TRPM3: variants seen among roughly 807,000 people sequenced by gnomAD.
TRPM3 encodes long transient receptor potential channel 3.
A neutral mutation model predicts 181.2 loss-of-function variants in TRPM3; 77 were observed. That is an observed-to-expected ratio of 0.42 (90% CI 0.35 to 0.51). The LOEUF (loss-of-function observed/expected upper bound fraction) is 0.51, where lower values mean the gene tolerates loss of function less well. Among genes scored for constraint, TRPM3 ranks in the 20% least tolerant of loss-of-function variants. TRPM3 has a pLI of 0.01. For missense variants in TRPM3, 1,759 were observed against 2,196.7 expected, an observed-to-expected ratio of 0.80 and a Z score of 3.98; for synonymous variants, 745 against 796.4, an observed-to-expected ratio of 0.94 and a Z score of 1.09.
chr9:70,652,750 A>G (rs1479784335), intron 9 of TRPM3, among the ~76,000 whole-genome samples: 1 of 152,194 alleles, frequency 6.6e-6, no homozygotes, highest in Non-Finnish European at 1.5e-5. Flanking sequence ...GAAGAAGTGG[A>G]TAAGGTCAAC....
At chr9:70,655,396 T>C (rs1159454837) in intron 9 of TRPM3, among the ~76,000 whole-genome samples, 1 of 151,504 alleles carries the variant, frequency 6.6e-6, no homozygotes, top group Admixed American at 6.6e-5. Context: ...AGCCCTAAGG[T>C]TGACCTGCAA....
At chr9:71,217,742 G>C (rs533309338) in intron 1 of TRPM3, among the ~76,000 whole-genome samples, 1 of 152,114 alleles carries the variant, frequency 6.6e-6, no homozygotes, top group African/African-American at 2.4e-5. Flanking sequence ...TAATCCACCG[G>C]GGAACCAACC....
intron 8 of TRPM3, among the ~76,000 whole-genome samples, chr9:70,682,034 T>C (rs966368228): frequency 1.3e-5 from 2 of 152,198 alleles, no homozygotes; most frequent in Non-Finnish European, 2.9e-5. Context: ...CATTTGAATC[T>C]GTGCTGCCTT....
rs760563580 is a variant in TRPM3 at position 70,536,581 on chromosome 9, G to A, written c.4532C>T (p.Ser1511Phe). ...GGTGGCTAGGTAGCGGCTACTTTTG[G>A]AACGCTCAATGGTGTGGTACATCGG... ...EPPMYHTIER[S>F]KSSRYLATTP... The change falls in exon 26 of 26, where the codon TCC becomes TTC. Residue 1511 changes from serine to phenylalanine, a missense_variant. By Grantham distance (155) the Ser-to-Phe change is radical. Around this residue, in one of 8 missense-constraint regions of TRPM3, gnomAD observed 612 missense variants for 590.0 expected, o/e 1.04. Coordinates refer to ENST00000677713, the MANE Select transcript of TRPM3 (RefSeq NM_001366145.2). The A allele has an allele frequency of 6.8e-6, 11 of 1,614,050 alleles. No homozygotes were observed. The South Asian group carries it at 1.2e-4, about 18-fold the overall frequency.
chr9:71,263,621 G>C (rs956450599), intron 1 of TRPM3, among the ~76,000 whole-genome samples: 2 of 152,124 alleles, frequency 1.3e-5, no homozygotes, highest in Non-Finnish European at 2.9e-5. Flanking sequence ...GCACTTACAT[G>C]GTTCTGCATA....
Position 70,619,920 on chromosome 9 carries a change from C to A in TRPM3, c.2129+156G>T, listed in dbSNP as rs1185379372. 2.0e-5 allele frequency among the ~76,000 whole-genome samples: 3 copies of A among 152,154 alleles called. No individual in the cohort carries two copies. In the East Asian group the frequency reaches 5.8e-4, roughly 29 times the overall value. On this transcript the variant is annotated intron_variant, in intron 16 of 25. Coordinates refer to ENST00000677713, the MANE Select transcript of TRPM3 (RefSeq NM_001366145.2). ...AGGTACCACCATCTGTGGCACTGTGCACAATAAAGGGGAATTGTTTGTGTC... is the reference window on the plus strand; with the variant it reads ...AGGTACCACCATCTGTGGCACTGTGAACAATAAAGGGGAATTGTTTGTGTC...
rs1405466070 is a variant in TRPM3, at chr9:70,534,176, G to A, written c.*1777C>T. On this transcript the variant is annotated 3_prime_UTR_variant, in exon 26 of 26. Transcript: ENST00000677713. ...TACTTTAGAGTCTGTAACACTAGCT[G>A]GTTTAAAGTTGCGTGTCTATTCAGA... 1 of 152,140 alleles carries A rather than the reference G, an allele frequency of 6.6e-6. No individual in the cohort carries two copies. Among genetic ancestry groups the A allele is most frequent in the Non-Finnish European group, 1.5e-5 (1 of 68,038 alleles). 9.4% of individuals were successfully genotyped at this position (152,140 alleles called of 1,614,324 possible).
chr9:71,321,597 T>C (rs902516473), intron 1 of TRPM3, among the ~76,000 whole-genome samples: 45 of 152,166 alleles, frequency 3.0e-4, no homozygotes, highest in Non-Finnish European at 4.9e-4. Flanking sequence ...TATGCATTTG[T>C]TAACAAGATG....
intron 1 of TRPM3, among the ~76,000 whole-genome samples, chr9:70,895,876 T>G (rs765077448): frequency 2.0e-5 from 3 of 152,114 alleles, no homozygotes; most frequent in Non-Finnish European, 4.4e-5. Context: ...ACTAGAGATG[T>G]CAAAACTATT....
intron 22 of TRPM3, among the ~76,000 whole-genome samples, chr9:70,575,164 T>C (rs2053614104): frequency 6.6e-6 from 1 of 151,330 alleles, no homozygotes; most frequent in South Asian, 2.1e-4. Context: ...AGGCTGGTCT[T>C]GAACTCCTAG....
intron 1 of TRPM3, among the ~76,000 whole-genome samples, chr9:71,382,482 A>G (rs2092824016): frequency 1.3e-5 from 2 of 152,152 alleles, no homozygotes; most frequent in Admixed American, 1.3e-4. Context: ...ACAGTGGGAT[A>G]TTTACAATTG....
chr9:71,429,092 A>G (rs571458743), intron 1 of TRPM3, among the ~76,000 whole-genome samples: 1 of 152,280 alleles, frequency 6.6e-6, no homozygotes, highest in African/African-American at 2.4e-5. Flanking sequence ...AACTGGAATG[A>G]GAAAATACTT....
chr9:70,865,012 T>G (rs17471449), intron 1 of TRPM3, among the ~76,000 whole-genome samples: 9,507 of 149,156 alleles, frequency 0.064, 415 homozygotes, highest in Middle Eastern at 0.13. Context: ...TCACTATGCT[T>G]TTTTCTAATT....
chr9:71,233,538 A>G (rs2081192387), intron 1 of TRPM3, among the ~76,000 whole-genome samples: 1 of 152,236 alleles, frequency 6.6e-6, no homozygotes, highest in Non-Finnish European at 1.5e-5. Context: ...TAAAAACAAA[A>G]AAATCATTAT....
chr9:70,620,338 T>G lies in TRPM3; in HGVS notation c.1867A>C (p.Lys623Gln). 6.2e-7 allele frequency: 1 copy of G among 1,613,544 alleles called. No homozygotes were observed. The highest frequency in any genetic ancestry group is 8.5e-7 in the Non-Finnish European group (1 of 1,179,446). Residue 623 changes from lysine (K) to glutamine (Q), a missense_variant, in exon 16 of 26, where the codon AAG becomes CAG. By Grantham distance (53) the Lys-to-Gln change is moderately conservative. Transcript: ENST00000677713. ...EDDIPLRRGR[K>Q]TTKKREEEVD... ...TCTTCTTCACGTTTCTTGGTTGTCTTTCTTCCTCGCCTCAAGGGAATATCA... is the reference window on the plus strand; with the variant it reads ...TCTTCTTCACGTTTCTTGGTTGTCTGTCTTCCTCGCCTCAAGGGAATATCA...
At chr9:71,218,820 T>G (rs2131839085) in intron 1 of TRPM3, among the ~76,000 whole-genome samples, 1 of 152,338 alleles carries the variant, frequency 6.6e-6, no homozygotes, top group Non-Finnish European at 1.5e-5. Flanking sequence ...GCCTTTGTGT[T>G]TACAGATCAG....
chr9:71,245,544 A>G (rs1315937159), intron 1 of TRPM3, among the ~76,000 whole-genome samples: 1 of 152,208 alleles, frequency 6.6e-6, no homozygotes, highest in Non-Finnish European at 1.5e-5. Context: ...AAGGTGTAAC[A>G]TAATTACAAT....
chr9:70,776,302 T>C (rs758659500), intron 7 of TRPM3: 24 of 578,038 alleles, frequency 4.2e-5, no homozygotes, highest in South Asian at 3.1e-4. Context: ...TCATTCCAAC[T>C]GTAAAGTCGA....
chr9:70,855,773 G>A (rs986633665), intron 3 of TRPM3, among the ~76,000 whole-genome samples: 4 of 152,154 alleles, frequency 2.6e-5, no homozygotes, highest in African/African-American at 7.2e-5. Flanking sequence ...AGAATATGTC[G>A]CTTGAGACTA....
Sources: allele counts gnomAD v4.1 joint callset (sites outside exome capture counted in the v4.1 genomes callset), GRCh38; gene constraint gnomAD v4.1.1; regional missense constraint gnomAD v4.1.1; transcripts MANE v1.5; gene names NCBI Gene and HGNC (gene_info 2026-07-23, HGNC 2026-07-21).